MYH7B: variants seen among roughly 807,000 people sequenced by gnomAD.
MYH7B encodes myosin heavy chain 7B, also known as myosin-7B.
In MYH7B, 205 loss-of-function variants were observed where a neutral mutation model predicts 234.5. That is an observed-to-expected ratio of 0.87 (90% CI 0.78 to 0.98). MYH7B has a LOEUF of 0.98. Among genes scored for constraint, MYH7B ranks in the 50% least tolerant of loss-of-function variants. The pLI, the probability that MYH7B is intolerant of heterozygous loss-of-function variation, is 0.00. For missense variants in MYH7B, 2,652 were observed against 2,633.4 expected (o/e 1.01, Z -0.15); for synonymous variants, 1,193 against 1,105.0 (o/e 1.08, Z -1.58).
chr20:35,000,621 C>A, exon 39 of MYH7B: 1 of 1,574,562 alleles, frequency 6.4e-7, no homozygotes, highest in Non-Finnish European at 8.6e-7. Context: ...GCAGGGCGAG[C>A]GCAGCCGGCG....
At chr20:34,979,964 G>A in intron 7 of MYH7B, 160 bp downstream of exon 7, 1 of 764,714 alleles carries the variant, frequency 1.3e-6, no homozygotes, top group Non-Finnish European at 2.0e-6. Flanking sequence ...GTGGGGCTGT[G>A]AGCGATGAGG....
exon 31 of MYH7B, chr20:34,997,167 G>A: frequency 5.2e-6 from 8 of 1,550,004 alleles, no homozygotes; most frequent in Non-Finnish European, 7.0e-6. Context: ...AGATCAAGGA[G>A]CTGCAGGTGC....
intron 7 of MYH7B, chr20:34,980,121 CAG>C (rs1196340571): frequency 4.6e-6 from 2 of 436,766 alleles, no homozygotes; most frequent in East Asian, 4.1e-5. Context: ...GAGCACAAGT[CAG>C]GGGTGAGGCC....
chr20:34,977,996 T>A, exon 5 of MYH7B: 4 of 1,614,086 alleles, frequency 2.5e-6, no homozygotes, highest in Non-Finnish European at 3.4e-6. Context: ...TTCACCCCAG[T>A]GCCACTGCCA....
chr20:34,972,996 AAC>A (rs1453015959), intron 2 of MYH7B, among the ~76,000 whole-genome samples: 2 of 152,178 alleles, frequency 1.3e-5, no homozygotes, highest in African/African-American at 2.4e-5. Flanking sequence ...CATAAATCTG[AAC>A]ACACTGTCAA....
intron 19 of MYH7B, among the ~76,000 whole-genome samples, chr20:34,989,055 C>T (rs559351760): frequency 1.3e-5 from 2 of 152,298 alleles, no homozygotes; most frequent in Admixed American, 6.5e-5. Context: ...AGTGATCTAC[C>T]CACCTTGGCC....
At chr20:34,980,769 C>T in intron 8 of MYH7B, 35 bp downstream of exon 8, 3 of 1,602,648 alleles carry the variant, frequency 1.9e-6, no homozygotes, top group East Asian at 2.2e-5. Flanking sequence ...CAACCGCAGA[C>T]CCCGACCTCG....
chr20:34,979,768 CA>C lies in MYH7B; in HGVS notation c.308del (p.Asn103ThrfsTer10). 6.2e-7 allele frequency: 1 copy of C among 1,614,132 alleles called. No homozygotes were observed. The highest frequency in any genetic ancestry group is 8.5e-7 in the Non-Finnish European group (1 of 1,180,030). On this transcript the variant is annotated frameshift_variant, in exon 7 of 45. Transcript: ENST00000262873. LOFTEE classifies it high-confidence loss of function. ...ACCTGAACGAGGCCTCTGTGCTGCA[CA>C]ACCTGCGCCAGCGCTATGCCCGCTG...
chr20:34,987,293 G>A lies in MYH7B; in HGVS notation c.1147+6G>A, dbSNP rs369650979. ...GGAGGCCGATGGCACTGAGAGTGAG[G>A]GGCCCTAACCTGGCCTTCAACTTGA... On this transcript the variant is annotated splice_donor_region_variant and intron_variant, in intron 16 of 44. Coordinates refer to ENST00000262873, the Ensembl canonical transcript of MYH7B. 65 of 1,609,790 alleles carry A rather than the reference G, an allele frequency of 4.0e-5. 1 individual carries two copies. The highest frequency in any genetic ancestry group is 4.9e-5 in the Non-Finnish European group (58 of 1,179,864).
At chr20:34,980,394 C>T (rs561958208) in intron 7 of MYH7B, 184 bp from the exon 8 acceptor site, 4 of 593,236 alleles carry the variant, frequency 6.7e-6, no homozygotes, top group African/African-American at 1.8e-5. Context: ...ACTAAAAATA[C>T]AAAAATTAGC....
In MYH7B at chr20:34,971,606, G is replaced by T. The variant is rs552282650; in HGVS notation, c.-221-3794G>T. On this transcript the variant is annotated intron_variant, in intron 2 of 44. Coordinates refer to ENST00000262873, the Ensembl canonical transcript of MYH7B. ...GCCCAACCACCCCCAGTGTGCCAGG[G>T]TCGTGGGCCCCTTTCTGGGCCTCAC... Among the ~76,000 whole-genome samples, 9 of 152,254 alleles carry T rather than the reference G, an allele frequency of 5.9e-5. No individual in the cohort carries two copies. In the East Asian group the frequency reaches 1.7e-3, roughly 30 times the overall value.
chr20:34,967,157 A>C (rs1045420485), intron 2 of MYH7B, among the ~76,000 whole-genome samples: 3 of 151,958 alleles, frequency 2.0e-5, no homozygotes, highest in Non-Finnish European at 4.4e-5. Context: ...TGAACCCAGG[A>C]GGCGGAGGTT....
rs763943886 is a variant in MYH7B at position 34,979,465 on chromosome 20, G to A, written c.167G>A (p.Gly56Asp). 19 of 1,613,830 alleles carry A rather than the reference G, an allele frequency of 1.2e-5. No individual in the cohort carries two copies. The highest frequency in any genetic ancestry group is 1.2e-4 in the Admixed American group (7 of 59,988). Residue 56 changes from glycine to aspartate, a missense_variant, in exon 6 of 45, where the codon GGC becomes GAC. Gly to Asp is a moderately conservative substitution (Grantham distance 94). Transcript: ENST00000262873. ...GAGGTCAAGTCGGAGGCTACCGGGG[G>A]CAGAGTCACCGTGGAGACCAAAGAC...
intron 2 of MYH7B, among the ~76,000 whole-genome samples, chr20:34,960,853 A>G (rs2081690061): frequency 6.6e-6 from 1 of 152,162 alleles, no homozygotes; most frequent in Non-Finnish European, 1.5e-5. Context: ...GACACTTTAT[A>G]TGTGTTATCT....
At position 35,001,479 on chromosome 20, in the gene MYH7B, A is replaced by G. The variant is rs763291416; in HGVS notation, c.5629A>G (p.Lys1877Glu). ...GGCTCGCATGCAGGACCTGGTGGAC[A>G]AGCTGCAGAGCAAGGTCAAGAGCTA... The change falls in exon 43 of 45, where the codon AAG (lysine) becomes GAG (glutamate). Residue 1877 changes from lysine to glutamate, a missense_variant. By Grantham distance (56) the Lys-to-Glu change is moderately conservative (BLOSUM62 1). Coordinates refer to ENST00000262873, the Ensembl canonical transcript of MYH7B. 3.1e-6 allele frequency: 5 copies of G among 1,610,480 alleles called. No homozygotes were observed. In the South Asian group the frequency reaches 3.3e-5, roughly 11 times the overall value.
At chr20:34,981,161 G>A (rs1207225104) in intron 9 of MYH7B, 101 bp downstream of exon 9, 1 of 1,478,040 alleles carries the variant, frequency 6.8e-7, no homozygotes, top group East Asian at 2.3e-5. Context: ...AAAGTGCTTA[G>A]GCCAGGACTT....
At chr20:34,959,232 C>G (rs967744600) in intron 2 of MYH7B, among the ~76,000 whole-genome samples, 6 of 152,170 alleles carry the variant, frequency 3.9e-5, no homozygotes, top group Non-Finnish European at 8.8e-5. Context: ...GATCTCAGAT[C>G]AAGACACATA....
At chr20:34,986,052 ACT>A in intron 13 of MYH7B, 46 bp from the exon 14 acceptor site, 1 of 1,495,854 alleles carries the variant, frequency 6.7e-7, no homozygotes, top group Non-Finnish European at 9.1e-7. Context: ...TGGGATGTCC[ACT>A]CTGGGGAGGT....
chr20:34,982,934 A>T (rs1002554259), intron 10 of MYH7B, among the ~76,000 whole-genome samples: 30 of 152,224 alleles, frequency 2.0e-4, no homozygotes, highest in Non-Finnish European at 2.9e-5. Context: ...GACACATTAG[A>T]CACAGAGGTT....
Sources: allele counts gnomAD v4.1 joint callset (sites outside exome capture counted in the v4.1 genomes callset), GRCh38; gene constraint gnomAD v4.1.1; transcripts MANE v1.5; gene names NCBI Gene and HGNC (gene_info 2026-07-23, HGNC 2026-07-21).